The following ADAM7 variants were observed in gnomAD, a reference collection of about 807,000 sequenced individuals.
The protein encoded by ADAM7 is ADAM metallopeptidase domain 7.
In ADAM7, 97 loss-of-function variants were observed where a neutral mutation model predicts 102.9. The observed-to-expected ratio is 0.94, with a 90% CI of 0.80 to 1.12. The LOEUF is 1.12. Ranked by LOEUF, ADAM7 falls within the 50% of genes most tolerant of loss-of-function variation. The probability of loss-of-function intolerance (pLI) is 0.00; values close to 1 mark genes in which losing one functional copy is unlikely to be tolerated. For synonymous variants in ADAM7, 334 were observed against 304.4 expected (o/e 1.10, Z -1.01); for missense variants, 991 against 908.7 (o/e 1.09, Z -1.16).
chr8:24,507,279 C>T (rs1820983269), intron 20 of ADAM7, among the ~76,000 whole-genome samples: 1 of 152,022 alleles, frequency 6.6e-6, no homozygotes, highest in Non-Finnish European at 1.5e-5. Flanking sequence ...ACCATCTATC[C>T]TCCTCTCCCT....
chr8:24,503,680 G>A (rs1820841648), intron 20 of ADAM7, among the ~76,000 whole-genome samples: 1 of 152,110 alleles, frequency 6.6e-6, no homozygotes, highest in African/African-American at 2.4e-5. Flanking sequence ...TATATACCAT[G>A]GAATACTATG....
intron 16 of ADAM7, among the ~76,000 whole-genome samples, chr8:24,493,748 G>A (rs1820457627): frequency 6.6e-6 from 1 of 152,106 alleles, no homozygotes; most frequent in African/African-American, 2.4e-5. Context: ...AAGATGAAAT[G>A]GCATCTTAAA....
intron 3 of ADAM7, among the ~76,000 whole-genome samples, chr8:24,455,608 G>A (rs1276764616): frequency 6.6e-6 from 1 of 152,204 alleles, no homozygotes; most frequent in African/African-American, 2.4e-5. Context: ...GTTTCACCCT[G>A]TTATCCAGGC....
chr8:24,505,913 T>C (rs142875192), intron 20 of ADAM7, among the ~76,000 whole-genome samples: 1 of 152,292 alleles, frequency 6.6e-6, no homozygotes, highest in Non-Finnish European at 1.5e-5. Flanking sequence ...CCTCATCATA[T>C]TCATATCACA....
chr8:24,464,348 T>C (rs1480095967), intron 4 of ADAM7, among the ~76,000 whole-genome samples: 6 of 152,320 alleles, frequency 3.9e-5, no homozygotes, highest in Middle Eastern at 3.4e-3. Context: ...TTGATCCTTA[T>C]GTGATTCTCA....
intron 2 of ADAM7, among the ~76,000 whole-genome samples, chr8:24,446,536 T>G (rs909150983): frequency 6.6e-6 from 1 of 152,100 alleles, no homozygotes; most frequent in Admixed American, 6.6e-5. Flanking sequence ...CGACAGGGAA[T>G]ACCCCAAACC....
At chr8:24,491,827 C>A in intron 13 of ADAM7, 76 bp from the exon 14 acceptor site, 1 of 1,254,900 alleles carries the variant, frequency 8.0e-7, no homozygotes, top group Non-Finnish European at 1.1e-6. Context: ...ATGAATGGGT[C>A]AACTTTCTGT....
At chr8:24,452,362 A>C (rs956778446) in intron 3 of ADAM7, among the ~76,000 whole-genome samples, 1 of 148,136 alleles carries the variant, frequency 6.8e-6, no homozygotes, top group Non-Finnish European at 1.5e-5. Context: ...TATTTAGGAT[A>C]GTTAGCTCTT....
intron 19 of ADAM7, 143 bp downstream of exon 19, chr8:24,501,038 T>C: frequency 3.1e-6 from 2 of 647,448 alleles, no homozygotes; most frequent in Non-Finnish European, 2.6e-6. Context: ...CTCAAGCTTT[T>C]ATGTACTTGC....
intron 7 of ADAM7, among the ~76,000 whole-genome samples, chr8:24,474,540 T>C (rs571554665): frequency 1.6e-3 from 236 of 152,084 alleles, no homozygotes; most frequent in Non-Finnish European, 3.0e-3. Context: ...AAATAGTTAA[T>C]GAGCATTCAA....
chr8:24,507,595 T>A, intron 21 of ADAM7, 60 bp downstream of exon 21: 3 of 1,392,200 alleles, frequency 2.2e-6, no homozygotes, highest in Non-Finnish European at 3.1e-6. Context: ...GGCATAGTTT[T>A]GTGTTCTTTA....
intron 2 of ADAM7, among the ~76,000 whole-genome samples, chr8:24,445,017 T>G (rs1309588522): frequency 1.3e-5 from 2 of 152,110 alleles, no homozygotes; most frequent in Non-Finnish European, 2.9e-5. Context: ...AAATTGTTAT[T>G]AAAAACAGTA....
chr8:24,476,642 CG>C (rs1563385425), intron 8 of ADAM7, 138 bp downstream of exon 8: 1 of 508,452 alleles, frequency 2.0e-6, no homozygotes, highest in African/African-American at 2.0e-5. Flanking sequence ...CAAAAATCCA[CG>C]GGAAAAAATA....
intron 20 of ADAM7, chr8:24,506,114 A>C: frequency 6.5e-7 from 1 of 1,550,102 alleles, no homozygotes; most frequent in Non-Finnish European, 8.7e-7. Flanking sequence ...AATCCTTGGA[A>C]AGCCTGCCCA....
chr8:24,484,245 G>C (rs899985410), intron 9 of ADAM7, among the ~76,000 whole-genome samples: 1 of 152,044 alleles, frequency 6.6e-6, no homozygotes, highest in African/African-American at 2.4e-5. Context: ...ATAATAAAGA[G>C]AAAAATGGAG....
At chr8:24,472,122 C>CAAAAAAAA (rs55708871) in intron 7 of ADAM7, among the ~76,000 whole-genome samples, 1 of 102,772 alleles carries the variant, frequency 9.7e-6, no homozygotes, top group African/African-American at 3.3e-5. Context: ...AAAAAGATAA[C>CAAAAAAAA]AAAAAAAAAA....
At chr8:24,457,936 G>A (rs1819100802) in intron 3 of ADAM7, among the ~76,000 whole-genome samples, 1 of 151,142 alleles carries the variant, frequency 6.6e-6, no homozygotes, top group Non-Finnish European at 1.5e-5. Context: ...CTATTTATAG[G>A]CAATTATTCC....
intron 7 of ADAM7, among the ~76,000 whole-genome samples, chr8:24,472,445 T>C (rs1270087512): frequency 6.6e-6 from 1 of 151,924 alleles, no homozygotes; most frequent in Non-Finnish European, 1.5e-5. Flanking sequence ...ATAACAGAAA[T>C]TGTTAAATTA....
intron 1 of ADAM7, among the ~76,000 whole-genome samples, chr8:24,441,756 G>A (rs76128552): frequency 0.065 from 9,896 of 152,232 alleles, 490 homozygotes; most frequent in African/African-American, 0.13. Flanking sequence ...ACTTAACTAC[G>A]AAAGGTAAGA....
Sources: gnomAD v4.1 joint callset for allele counts (sites outside exome capture counted in the v4.1 genomes callset) on GRCh38, gnomAD v4.1.1 for gene constraint, MANE v1.5 for transcripts, NCBI Gene and HGNC (gene_info 2026-07-23, HGNC 2026-07-21) for gene names.